The following ATG4B variants were observed in gnomAD, a reference collection of about 807,000 sequenced individuals.
ATG4B encodes the protein cysteine protease ATG4B.
In ATG4B, 29 loss-of-function variants were observed where a neutral mutation model predicts 56.6. That is an observed-to-expected ratio of 0.51 (90% confidence interval 0.38 to 0.70). The LOEUF is 0.70. Ranked by LOEUF, ATG4B falls within the 30% of genes least tolerant of loss-of-function variation. The pLI is 0.00. For synonymous variants in ATG4B, 224 were observed against 206.1 expected (o/e 1.09, Z -0.74); for missense variants, 461 against 515.5 (o/e 0.89, Z 1.02).
chr2:241,665,928 C>G (rs897403845), intron 7 of ATG4B, among the ~76,000 whole-genome samples: 2 of 152,238 alleles, frequency 1.3e-5, no homozygotes, highest in African/African-American at 2.4e-5. Context: ...CTGTCACTGT[C>G]CATCTTTTTG....
At chr2:241,644,724 C>T (rs892849622) in intron 1 of ATG4B, among the ~76,000 whole-genome samples, 2 of 152,004 alleles carry the variant, frequency 1.3e-5, no homozygotes, top group East Asian at 1.9e-4. Flanking sequence ...CTGATGTGGG[C>T]GGATCATCTG....
At chr2:241,665,013 G>A (rs866500184) in intron 7 of ATG4B, among the ~76,000 whole-genome samples, 8 of 152,286 alleles carry the variant, frequency 5.3e-5, no homozygotes, top group South Asian at 2.1e-4. Context: ...CCAGCTACTC[G>A]GGAGGCTGAG....
chr2:241,641,167 AT>A (rs1309825060), intron 1 of ATG4B, among the ~76,000 whole-genome samples: 1 of 152,168 alleles, frequency 6.6e-6, no homozygotes, highest in Non-Finnish European at 1.5e-5. Context: ...AGACAATAGA[AT>A]TTGTTTGTAG....
At chr2:241,664,961 A>G (rs112410728) in intron 7 of ATG4B, among the ~76,000 whole-genome samples, 3,935 of 152,146 alleles carry the variant, frequency 0.026, 221 homozygotes, top group East Asian at 0.19. Flanking sequence ...ATCGGCTTCA[A>G]AAAAGAAAAG....
rs1313547210 is a variant in ATG4B, at chr2:241,668,165, C to T, written c.755C>T (p.Ser252Phe). The T allele has an allele frequency of 6.2e-6, 10 of 1,605,302 alleles. No individual in the cohort carries two copies. The highest frequency in any genetic ancestry group is 8.5e-6 in the Non-Finnish European group (10 of 1,176,414). Residue 252 changes from serine (S) to phenylalanine (F), a missense_variant, in exon 9 of 13, where the codon TCC (serine) becomes TTC (phenylalanine). Ser to Phe is a radical substitution (Grantham distance 155). Transcript: ENST00000404914. The surrounding 1 kb of genome is among the most constrained non-coding windows in gnomAD (Gnocchi z 4.2). ...CAGCACTGCTTCATGATGCCCCAGT[C>T]CCTGGGCGTCATCGGAGGGAAGCCC... ...TLKHCFMMPQ[S>F]LGVIGGKPNS...
intron 3 of ATG4B, chr2:241,653,249 T>C (rs978817342): frequency 3.3e-5 from 41 of 1,254,304 alleles, no homozygotes; most frequent in South Asian, 1.4e-4. Flanking sequence ...TTCATATGTT[T>C]GTCAGACATT....
At chr2:241,659,302 G>A (rs752186802) in intron 7 of ATG4B, 115 bp downstream of exon 7, 19 of 916,086 alleles carry the variant, frequency 2.1e-5, no homozygotes, top group Admixed American at 8.0e-5. Context: ...GCCCCATGCC[G>A]TGCAGGTGCT....
At chr2:241,667,595 C>T (rs1003088190) in intron 8 of ATG4B, among the ~76,000 whole-genome samples, 7 of 148,710 alleles carry the variant, frequency 4.7e-5, no homozygotes, top group African/African-American at 1.5e-4. Context: ...CAGAGTGAGA[C>T]TCCATCTCAA....
chr2:241,658,125 G>T (rs1286595431), intron 6 of ATG4B, among the ~76,000 whole-genome samples: 1 of 152,216 alleles, frequency 6.6e-6, no homozygotes, highest in Non-Finnish European at 1.5e-5. Flanking sequence ...CTGCTTCCTT[G>T]TTTGCCCTCC....
chr2:241,654,439 AAAAG>A (rs1450157473), intron 4 of ATG4B, 103 bp from the exon 5 acceptor site: 11 of 726,978 alleles, frequency 1.5e-5, no homozygotes, highest in East Asian at 3.0e-5. Flanking sequence ...AAAAAAAAAA[AAAAG>A]ATTCTGAAAA....
At chr2:241,669,786 C>T (rs1461492112) in intron 10 of ATG4B, among the ~76,000 whole-genome samples, 2 of 152,202 alleles carry the variant, frequency 1.3e-5, no homozygotes, top group Admixed American at 6.5e-5. Flanking sequence ...GGATTACAGG[C>T]GTGAGCCACT....
chr2:241,670,599 C>G (rs889437827), intron 10 of ATG4B, 127 bp from the exon 11 acceptor site: 9 of 901,128 alleles, frequency 1.0e-5, no homozygotes, highest in Non-Finnish European at 1.6e-5. Flanking sequence ...CCAAGGCAGG[C>G]TGGAATGTCC....
chr2:241,668,578 CCA>C lies in ATG4B; in HGVS notation c.851_852del (p.Pro284ArgfsTer6). On this transcript the variant is annotated frameshift_variant, in exon 10 of 13. Coordinates refer to ENST00000404914, the MANE Select transcript of ATG4B (RefSeq NM_013325.5). LOFTEE classifies it high-confidence loss of function. The surrounding 1 kb of genome is among the most constrained non-coding windows in gnomAD (Gnocchi z 4.2). ...LIYLDPHTTQ[P>X]AVEPTDGCFI... ...CTACCTGGACCCCCACACCACGCAGCCAGCCGTGGAGCCCACTGATGGCTGCT... is the reference window on the plus strand; with the variant it reads ...CTACCTGGACCCCCACACCACGCAGCGCCGTGGAGCCCACTGATGGCTGCT... The C allele has an allele frequency of 6.2e-7, 1 of 1,608,528 alleles. No individual in the cohort carries two copies. The highest frequency in any genetic ancestry group is 8.5e-7 in the Non-Finnish European group (1 of 1,178,530).
rs1386381058 is a variant in ATG4B at position 241,666,631 on chromosome 2, GTCT to G, written c.539-13_539-11del. ...AGGTCTGCTTGGTTAGTGAAAGCAT[GTCT>G]CCCTTTCTAGGAAGGTTGTGCAGGA... On this transcript the variant is annotated splice_polypyrimidine_tract_variant and intron_variant, in intron 7 of 12. Transcript: ENST00000404914. 1.1e-5 allele frequency: 17 copies of G among 1,612,610 alleles called. No homozygotes were observed. Among genetic ancestry groups the G allele is most frequent in the Non-Finnish European group, 1.4e-5 (17 of 1,179,570 alleles).
rs561332061 is a variant in ATG4B, at chr2:241,638,611, G to T, written c.10+887G>T. Among the ~76,000 whole-genome samples the T allele has an allele frequency of 2.0e-5, 3 of 152,318 alleles. No homozygotes were observed. In the East Asian group the frequency reaches 5.8e-4, roughly 29 times the overall value. On this transcript the variant is annotated intron_variant, in intron 1 of 12. Transcript: ENST00000404914. The stretch of plus-strand genomic sequence containing the variant: ...TCATCTGGTTTAATTCTGTCATTCT[G>T]AATGGGATTGTTTTTACTTTTTATT...
In ATG4B at chr2:241,673,583, CAT is replaced by C. The variant is rs77442151; in HGVS notation, c.*1321_*1322del. The C allele has an allele frequency of 0.15, 69,493 of 455,020 alleles. 6,785 individuals carry two copies. The highest frequency in any genetic ancestry group is 0.32 in the East Asian group (4,565 of 14,312). The allele number at this position is 455,020 out of a possible 1,614,324, so 28.2% of individuals were successfully genotyped here. A position where few individuals can be genotyped will look rare whatever the true frequency, so the allele number is the denominator to read the frequency against. ...CCCCCAGCCCCCCAAGCATTGAAGA[CAT>C]AGTGTATTTCCTCGTATCCTTTCTC... On this transcript the variant is annotated 3_prime_UTR_variant, in exon 13 of 13. Coordinates refer to ENST00000404914, the MANE Select transcript of ATG4B (RefSeq NM_013325.5).
chr2:241,638,517 A>C (rs1198136630), intron 1 of ATG4B: 1 of 152,220 alleles, frequency 6.6e-6, no homozygotes, highest in Non-Finnish European at 1.5e-5. Context: ...CAGAAGTTTT[A>C]GCTCATTCAT....
At chr2:241,643,611 TAC>T (rs1575056743) in intron 1 of ATG4B, among the ~76,000 whole-genome samples, 1 of 149,500 alleles carries the variant, frequency 6.7e-6, no homozygotes, top group Admixed American at 6.7e-5. Flanking sequence ...AACATATATA[TAC>T]GTATATATAC....
intron 6 of ATG4B, 27 bp from the exon 7 acceptor site, chr2:241,659,081 T>C: frequency 6.4e-7 from 1 of 1,554,476 alleles, no homozygotes; most frequent in East Asian, 2.3e-5. Flanking sequence ...GTACAAAAGC[T>C]TATGGTCATT....
Sources: gnomAD v4.1 joint callset for allele counts (sites outside exome capture counted in the v4.1 genomes callset) on GRCh38, gnomAD v4.1.1 for gene constraint, Gnocchi (gnomAD v3.1) non-coding constraint, MANE v1.5 for transcripts, NCBI Gene and HGNC (gene_info 2026-07-23, HGNC 2026-07-21) for gene names.